The following ZBTB38 variants were observed in gnomAD, a reference collection of about 807,000 sequenced individuals.
ZBTB38 encodes the protein zinc finger and BTB domain containing 38.
Under a neutral mutation model 76.8 loss-of-function variants are expected in ZBTB38, and 20 were observed. That is an observed-to-expected ratio of 0.26 (90% CI 0.18 to 0.38). The LOEUF is 0.38. ZBTB38 is among the 10% of genes least tolerant of loss of function. The pLI is 1.00. For synonymous variants in ZBTB38, 504 were observed against 544.2 expected (o/e 0.93, Z 1.03); for missense variants, 1,082 against 1,482.3 (o/e 0.73, Z 4.43).
At position 141,443,018 on chromosome 3, in the gene ZBTB38, C is replaced by T. The variant is rs759272619; in HGVS notation, c.630C>T (p.His210=). Residue 210 remains histidine (H), a synonymous_variant, in exon 6 of 6, where the codon CAC becomes CAT. Transcript: ENST00000321464. The surrounding 1 kb of genome is among the most constrained non-coding windows in gnomAD (Gnocchi z 5.6). ...SLCLERTDVC[H]EAEPVRTLAE... is the part of the protein sequence containing the mutation. Reference sequence around the variant, plus strand: ...GCCTGGAGAGGACGGACGTCTGCCACGAGGCAGAGCCTGTCCGCACACTTG... The same window carrying T: ...GCCTGGAGAGGACGGACGTCTGCCATGAGGCAGAGCCTGTCCGCACACTTG... 8.1e-6 allele frequency: 13 copies of T among 1,614,242 alleles called. No individual in the cohort carries two copies. The highest frequency in any genetic ancestry group is 4.5e-5 in the East Asian group (2 of 44,884).
At chr3:141,368,877 C>T (rs1039749499) in intron 1 of ZBTB38, 73 bp downstream of exon 1, 2 of 151,708 alleles carry the variant, frequency 1.3e-5, no homozygotes, top group African/African-American at 2.4e-5. Context: ...TGTTCCCTGA[C>T]GCCTACAGCT....
At chr3:141,438,974 T>G (rs762713115) in intron 5 of ZBTB38, among the ~76,000 whole-genome samples, 22 of 151,986 alleles carry the variant, frequency 1.4e-4, no homozygotes, top group Non-Finnish European at 3.2e-4. Context: ...TAATTTTTTT[T>G]TTTTTTTTGC....
At chr3:141,346,891 A>C (rs1029879937) in intron 1 of ZBTB38, among the ~76,000 whole-genome samples, 30 of 152,000 alleles carry the variant, frequency 2.0e-4, no homozygotes, top group Admixed American at 1.5e-3. Flanking sequence ...TCTCTGAAAG[A>C]AAGCACTGTC....
chr3:141,389,833 CT>C (rs1948297327), intron 4 of ZBTB38: 1 of 152,100 alleles, frequency 6.6e-6, no homozygotes, highest in South Asian at 2.1e-4. Context: ...AAATGAATGC[CT>C]GATAGATTCA....
intron 1 of ZBTB38, among the ~76,000 whole-genome samples, chr3:141,337,272 T>C (rs963591598): frequency 7.2e-5 from 11 of 152,254 alleles, no homozygotes; most frequent in African/African-American, 1.7e-4. Context: ...GGTCTTTCCA[T>C]GTCCAAACAC....
intron 3 of ZBTB38, among the ~76,000 whole-genome samples, chr3:141,382,461 G>A (rs371451379): frequency 9.9e-5 from 15 of 152,010 alleles, no homozygotes; most frequent in African/African-American, 2.7e-4. Flanking sequence ...TATCTCTCTC[G>A]GCCTGTTTGG....
In ZBTB38 at chr3:141,445,193, G is replaced by A. The variant is rs1328601165; in HGVS notation, c.2805G>A (p.Arg935=). 1 of 1,614,088 alleles carries A rather than the reference G, an allele frequency of 6.2e-7. No individual in the cohort carries two copies. The highest frequency in any genetic ancestry group is 1.7e-5 in the Admixed American group (1 of 60,020). Residue 935 remains arginine (R), a synonymous_variant, in exon 6 of 6, where the codon AGG becomes AGA. Coordinates refer to ENST00000321464, the MANE Select transcript of ZBTB38 (RefSeq NM_001376113.1). The surrounding 1 kb of genome is among the most constrained non-coding windows in gnomAD (Gnocchi z 6.5). The part of the protein sequence containing the change: ...KKKSRQLKKM[R]KVNWRKEHGN... Reference sequence around the variant, plus strand: ...AATCCAGACAGTTGAAAAAAATGAGGAAAGTCAACTGGAGGAAGGAGCACG... The same window carrying A: ...AATCCAGACAGTTGAAAAAAATGAGAAAAGTCAACTGGAGGAAGGAGCACG...
At chr3:141,416,110 A>T (rs1184670928) in intron 5 of ZBTB38, among the ~76,000 whole-genome samples, 1 of 152,164 alleles carries the variant, frequency 6.6e-6, no homozygotes, top group East Asian at 1.9e-4. Context: ...CTCCTGAGAA[A>T]ACAACGGGAA....
At chr3:141,417,466 G>A (rs562424317) in intron 5 of ZBTB38, among the ~76,000 whole-genome samples, 1 of 152,266 alleles carries the variant, frequency 6.6e-6, no homozygotes, top group African/African-American at 2.4e-5. Context: ...AAACGCAGTA[G>A]AACAGGCACG....
At chr3:141,378,471 T>C (rs915569402) in intron 2 of ZBTB38, among the ~76,000 whole-genome samples, 2 of 152,244 alleles carry the variant, frequency 1.3e-5, no homozygotes, top group Non-Finnish European at 2.9e-5. Context: ...GCCCAAGTAC[T>C]ACAGCGATGT....
intron 4 of ZBTB38, among the ~76,000 whole-genome samples, chr3:141,399,347 A>C (rs971871533): frequency 6.6e-6 from 1 of 152,120 alleles, no homozygotes; most frequent in Non-Finnish European, 1.5e-5. Flanking sequence ...GCAGTTTCAC[A>C]CATTTATCTG....
At chr3:141,369,573 C>T (rs1376789614) in intron 1 of ZBTB38, among the ~76,000 whole-genome samples, 1 of 152,186 alleles carries the variant, frequency 6.6e-6, no homozygotes, top group Non-Finnish European at 1.5e-5. Context: ...AGCACGTAGG[C>T]ATAGAAATCA....
intron 1 of ZBTB38, among the ~76,000 whole-genome samples, chr3:141,358,796 G>A (rs772634716): frequency 6.6e-6 from 1 of 152,094 alleles, no homozygotes; most frequent in Middle Eastern, 3.2e-3. Flanking sequence ...CCCTGTTCTG[G>A]ACATTTTATA....
chr3:141,385,711 G>C (rs1338681231), intron 3 of ZBTB38, among the ~76,000 whole-genome samples: 1 of 150,976 alleles, frequency 6.6e-6, no homozygotes, highest in Non-Finnish European at 1.5e-5. Flanking sequence ...AATGAAAGGG[G>C]GTGCATAAGA....
rs560541582 is a variant in ZBTB38, at chr3:141,446,388, A to G, written c.*412A>G. The stretch of plus-strand genomic sequence containing the variant: ...TCCTGAAGATGGCATCTTCGTAAAT[A>G]TGTTACGTGGTAATAAGCTGTGTGA... On this transcript the variant is annotated 3_prime_UTR_variant, in exon 6 of 6. Transcript: ENST00000321464. 1 of 159,036 alleles carries G rather than the reference A, an allele frequency of 6.3e-6. No homozygotes were observed. Among genetic ancestry groups the G allele is most frequent in the Non-Finnish European group, 1.4e-5 (1 of 71,986 alleles). The allele number at this position is 159,036 out of a possible 1,614,324, so 9.9% of individuals were successfully genotyped here. A position where few individuals can be genotyped will look rare whatever the true frequency, so the allele number is the denominator to read the frequency against.
At chr3:141,369,624 G>T (rs1488919084) in intron 1 of ZBTB38, among the ~76,000 whole-genome samples, 1 of 152,160 alleles carries the variant, frequency 6.6e-6, no homozygotes, top group African/African-American at 2.4e-5. Flanking sequence ...CCCTGAGTCA[G>T]CATCTAGTCT....
intron 2 of ZBTB38, among the ~76,000 whole-genome samples, chr3:141,378,185 C>CAAA (rs10662147): frequency 1.2e-3 from 158 of 135,776 alleles, no homozygotes; most frequent in Non-Finnish European, 1.5e-3. Flanking sequence ...TCTCAACAAG[C>CAAA]AAAAAAAAAA....
chr3:141,342,721 T>C (rs919478055), intron 1 of ZBTB38, among the ~76,000 whole-genome samples: 2 of 143,766 alleles, frequency 1.4e-5, no homozygotes, highest in Non-Finnish European at 3.0e-5. Context: ...TAAGGTCCCA[T>C]GATCTTTTTT....
At chr3:141,391,454 A>G (rs548958241) in intron 4 of ZBTB38, among the ~76,000 whole-genome samples, 1 of 152,342 alleles carries the variant, frequency 6.6e-6, no homozygotes, top group South Asian at 2.1e-4. Context: ...CCCTACAGTA[A>G]GAGGATGGCC....
Sources: allele counts gnomAD v4.1 joint callset (sites outside exome capture counted in the v4.1 genomes callset), GRCh38; gene constraint gnomAD v4.1.1; non-coding constraint Gnocchi (gnomAD v3.1); transcripts MANE v1.5; gene names NCBI Gene and HGNC (gene_info 2026-07-23, HGNC 2026-07-21).